RPS24: variants seen among roughly 807,000 people sequenced by gnomAD.
RPS24 encodes the protein small ribosomal subunit protein eS24.
For synonymous variants in RPS24, 72 were observed against 55.6 expected, an observed-to-expected ratio of 1.30 and a Z score of -1.31; for missense variants, 100 against 162.5, an observed-to-expected ratio of 0.62 and a Z score of 2.09.
chr10:78,034,649 C>T (rs776148542), intron 1 of RPS24, among the ~76,000 whole-genome samples: 17 of 152,176 alleles, frequency 1.1e-4, no homozygotes, highest in Non-Finnish European at 1.9e-4. Flanking sequence ...AAATTGTTAG[C>T]ATAAATTGCT....
exon 5 of RPS24, chr10:78,054,853 G>A (rs1233197070): frequency 1.3e-6 from 2 of 1,551,008 alleles, no homozygotes; most frequent in African/African-American, 1.4e-5. Flanking sequence ...CCTGTGGACG[G>A]TGACTTGGTC....
intron 4 of RPS24, among the ~76,000 whole-genome samples, chr10:78,051,143 T>C (rs1848095071): frequency 6.6e-6 from 1 of 152,160 alleles, no homozygotes; most frequent in Non-Finnish European, 1.5e-5. Context: ...CGAGCTGAGA[T>C]TGCGCCACTG....
At chr10:78,043,959 C>G (rs1185116627), downstream of RPS24, among the ~76,000 whole-genome samples, 6 of 139,954 alleles carry the variant, frequency 4.3e-5, no homozygotes, top group Non-Finnish European at 4.4e-5. Context: ...CGTCATTTAC[C>G]TCCCTCTCCC....
At chr10:78,052,049 A>G (rs1054427624) in intron 4 of RPS24, among the ~76,000 whole-genome samples, 3 of 148,952 alleles carry the variant, frequency 2.0e-5, no homozygotes, top group Admixed American at 7.1e-5. Context: ...ATTTTGAGAC[A>G]GGGCCTTGCC....
intron 4 of RPS24, among the ~76,000 whole-genome samples, chr10:78,050,256 G>A (rs1437462026): frequency 1.3e-5 from 2 of 151,872 alleles, no homozygotes; most frequent in African/African-American, 4.8e-5. Flanking sequence ...CCAAACTTCC[G>A]GCCAGATTAG....
intron 4 of RPS24, 195 bp downstream of exon 4, chr10:78,037,499 T>G: frequency 1.2e-6 from 1 of 853,118 alleles, no homozygotes; most frequent in South Asian, 1.9e-5. Context: ...TAAAGTAGCT[T>G]GGCCCACCCC....
chr10:78,049,991 C>T (rs148405443), intron 4 of RPS24, among the ~76,000 whole-genome samples: 19 of 152,290 alleles, frequency 1.2e-4, no homozygotes, highest in African/African-American at 3.6e-4. Flanking sequence ...TCAGCAGAAA[C>T]CTCCCAGCAA....
chr10:78,033,988 C>T, intron 1 of RPS24, 84 bp downstream of exon 1: 1 of 1,530,750 alleles, frequency 6.5e-7, no homozygotes, highest in Admixed American at 1.7e-5. Flanking sequence ...GAGCTATAGG[C>T]ACGCGAAGCC....
intron 4 of RPS24, among the ~76,000 whole-genome samples, chr10:78,049,546 G>A (rs569088733): frequency 1.3e-5 from 2 of 152,302 alleles, no homozygotes; most frequent in East Asian, 1.9e-4. Flanking sequence ...CAGCGTCTTC[G>A]AGGGCCTAGA....
chr10:78,036,273 G>T, intron 3 of RPS24: 1 of 165,594 alleles, frequency 6.0e-6, no homozygotes. Flanking sequence ...ATAGCTGTGA[G>T]GGAAAATCCT....
intron 4 of RPS24, chr10:78,038,188 T>C (rs1589329263): frequency 8.5e-6 from 2 of 234,496 alleles, no homozygotes; most frequent in East Asian, 1.2e-4. Flanking sequence ...GATAGTATAT[T>C]ATGAGCAAAG....
intron 4 of RPS24, among the ~76,000 whole-genome samples, chr10:78,048,593 C>G (rs968743003): frequency 6.6e-6 from 1 of 152,078 alleles, no homozygotes; most frequent in Admixed American, 6.5e-5. Context: ...TAGAAATTGC[C>G]CAACCCAGCC....
At chr10:78,034,244 C>T in intron 1 of RPS24, 1 of 476,982 alleles carries the variant, frequency 2.1e-6, no homozygotes, top group Non-Finnish European at 3.8e-6. Context: ...CCTCATTGGG[C>T]TAGGTAGGCG....
chr10:78,040,687 T>G lies in RPS24; in HGVS notation c.*92T>G. On this transcript the variant is annotated 3_prime_UTR_variant, in exon 6 of 6. Transcript: ENST00000372360. ...ATTTTTCGCAAGAACATTAATAAAC[T>G]AAAAACTTCATGTGTCTGGTTGTTT... 1 of 1,613,246 alleles carries G rather than the reference T, an allele frequency of 6.2e-7. No homozygotes were observed. The highest frequency in any genetic ancestry group is 8.5e-7 in the Non-Finnish European group (1 of 1,179,222).
At chr10:78,043,571 A>C (rs1170798302), downstream of RPS24, among the ~76,000 whole-genome samples, 3 of 150,832 alleles carry the variant, frequency 2.0e-5, no homozygotes, top group Non-Finnish European at 4.4e-5. Flanking sequence ...ATGGCTAGCC[A>C]AATTCCCAAT....
chr10:78,040,504 A>G, intron 5 of RPS24, 111 bp from the exon 6 acceptor site: 1 of 839,404 alleles, frequency 1.2e-6, no homozygotes. Flanking sequence ...ATAACTTGAT[A>G]TTCTAGGTTA....
At chr10:78,053,000 A>G (rs182112541) in intron 4 of RPS24, among the ~76,000 whole-genome samples, 2 of 152,104 alleles carry the variant, frequency 1.3e-5, no homozygotes, top group East Asian at 1.9e-4. Context: ...AAAATACAGA[A>G]GATTAGCCAG....
chr10:78,053,094 A>G (rs1426581620), intron 4 of RPS24, among the ~76,000 whole-genome samples: 2 of 151,614 alleles, frequency 1.3e-5, no homozygotes, highest in African/African-American at 4.8e-5. Flanking sequence ...TGGAGGTTAC[A>G]GTGAGCTGAG....
At position 78,035,696 on chromosome 10, in the gene RPS24, T is replaced by C. The variant is rs1383599809; in HGVS notation, c.255T>C (p.Asn85=). The C allele has an allele frequency of 5.6e-6, 9 of 1,601,628 alleles. No homozygotes were observed. Among genetic ancestry groups the C allele is most frequent in the Non-Finnish European group, 7.6e-6 (9 of 1,179,858 alleles). The change falls in exon 3 of 6, where the codon AAT becomes AAC. Residue 85 remains asparagine, a synonymous_variant. Transcript: ENST00000372360. ...ATTCCCTGGATTATGCAAAGAAAAA[T>C]GAACCCAAACATAGACTTGCAAGAG... ...IYDSLDYAKK[N]EPKHRLARHG...
Sources: allele counts gnomAD v4.1 joint callset (sites outside exome capture counted in the v4.1 genomes callset), GRCh38; gene constraint gnomAD v4.1.1; transcripts MANE v1.5; gene names NCBI Gene and HGNC (gene_info 2026-07-23, HGNC 2026-07-21).